Variants in GRM3 observed in about 807,000 individuals in gnomAD.
GRM3 encodes the protein metabotropic glutamate receptor 3.
A neutral mutation model predicts 70.5 loss-of-function variants in GRM3; 26 were observed. The ratio of observed to expected loss-of-function variants is 0.37; its 90% CI spans 0.27 to 0.51. GRM3 has a LOEUF of 0.51. Ranked by LOEUF, GRM3 falls within the 20% of genes least tolerant of loss-of-function variation. The pLI, the probability that GRM3 is intolerant of heterozygous loss-of-function variation, is 0.93. For missense variants in GRM3, 859 were observed against 1,123.8 expected (o/e 0.76, Z 3.37); for synonymous variants, 443 against 434.9 (o/e 1.02, Z -0.23).
At chr7:86,825,164 T>C (rs1467767274) in intron 3 of GRM3, among the ~76,000 whole-genome samples, 2 of 152,248 alleles carry the variant, frequency 1.3e-5, no homozygotes, top group Admixed American at 1.3e-4. Context: ...TTTGTGTCCA[T>C]GTGTACTCAA....
At chr7:86,825,641 A>G (rs964361789) in intron 3 of GRM3, among the ~76,000 whole-genome samples, 2 of 152,230 alleles carry the variant, frequency 1.3e-5, no homozygotes, top group African/African-American at 4.8e-5. Context: ...TGGAAATTTC[A>G]GTTACTGCAT....
intron 1 of GRM3, among the ~76,000 whole-genome samples, chr7:86,698,539 A>ATATATATATATATATATATATATAT (rs1562829891): frequency 6.4e-4 from 89 of 139,562 alleles, no homozygotes; most frequent in African/African-American, 2.6e-3. Context: ...TATATATATA[A>ATATATATATATATATATATATATAT]AATACACATT....
At chr7:86,731,077 A>G (rs1795724052) in intron 1 of GRM3, among the ~76,000 whole-genome samples, 1 of 151,928 alleles carries the variant, frequency 6.6e-6, no homozygotes, top group South Asian at 2.1e-4. Flanking sequence ...AATGAGCTCA[A>G]TTAGTGCTAT....
intron 4 of GRM3, among the ~76,000 whole-genome samples, chr7:86,842,220 A>G (rs1798570954): frequency 6.6e-6 from 1 of 152,186 alleles, no homozygotes; most frequent in Admixed American, 6.5e-5. Flanking sequence ...CCTCAGCTCT[A>G]ATAAATCACA....
At chr7:86,724,507 C>T (rs1795547044) in intron 1 of GRM3, among the ~76,000 whole-genome samples, 1 of 152,072 alleles carries the variant, frequency 6.6e-6, no homozygotes, top group South Asian at 2.1e-4. Context: ...TTTATTTTTA[C>T]AGTAATACGC....
At chr7:86,823,608 C>CG (rs377257594) in intron 3 of GRM3, among the ~76,000 whole-genome samples, 623 of 44,616 alleles carry the variant, frequency 0.014, 11 homozygotes, top group African/African-American at 0.044. Flanking sequence ...TTTTTTTTGG[C>CG]GGGGGGGGAT....
intron 3 of GRM3, among the ~76,000 whole-genome samples, chr7:86,832,705 C>T (rs955650225): frequency 2.6e-5 from 4 of 152,180 alleles, no homozygotes; most frequent in Admixed American, 6.5e-5. Flanking sequence ...AATTTAATCT[C>T]TCCTGCCATT....
At chr7:86,679,376 A>C (rs1204148978) in intron 1 of GRM3, among the ~76,000 whole-genome samples, 1 of 152,062 alleles carries the variant, frequency 6.6e-6, no homozygotes, top group African/African-American at 2.4e-5. Flanking sequence ...CAGGAAGAAG[A>C]AACCACCTTG....
At chr7:86,730,433 C>T (rs1795704818) in intron 1 of GRM3, among the ~76,000 whole-genome samples, 1 of 152,144 alleles carries the variant, frequency 6.6e-6, no homozygotes, top group African/African-American at 2.4e-5. Flanking sequence ...AAACAAAAGG[C>T]ATAACATAAC....
chr7:86,760,395 A>G (rs1235601658), intron 1 of GRM3, among the ~76,000 whole-genome samples: 1 of 152,164 alleles, frequency 6.6e-6, no homozygotes, highest in South Asian at 2.1e-4. Context: ...AGAGGGCTAC[A>G]CATGCTTGTT....
In GRM3 at chr7:86,786,461, G is replaced by C. The variant is rs1449556938; in HGVS notation, c.669G>C (p.Gly223=). Residue 223 remains glycine (G), a synonymous_variant, in exon 3 of 6, where the codon GGG becomes GGC. Coordinates refer to ENST00000361669, the MANE Select transcript of GRM3 (RefSeq NM_000840.3). This position sits in a 1 kb window ranked among gnomAD's most constrained non-coding sequence, Gnocchi z 6.0. Reference sequence around the variant, plus strand: ...CAGTAGCCTCCGAGGGTGATTACGGGGAGACAGGGATCGAGGCCTTCGAGC... The same window carrying C: ...CAGTAGCCTCCGAGGGTGATTACGGCGAGACAGGGATCGAGGCCTTCGAGC... ...VSTVASEGDY[G]ETGIEAFEQE... The C allele has an allele frequency of 6.2e-7, 1 of 1,614,104 alleles. No homozygotes were observed. The highest frequency in any genetic ancestry group is 8.5e-7 in the Non-Finnish European group (1 of 1,180,048).
intron 1 of GRM3, among the ~76,000 whole-genome samples, chr7:86,716,531 T>TTATCCACAAGG (rs1468351881): frequency 1.3e-5 from 2 of 151,792 alleles, no homozygotes; most frequent in East Asian, 1.9e-4. Context: ...CCTAATATCC[T>TTATCCACAAGG]TATCCACAAG....
chr7:86,735,963 G>C (rs1398680463), intron 1 of GRM3, among the ~76,000 whole-genome samples: 2 of 152,162 alleles, frequency 1.3e-5, no homozygotes, highest in African/African-American at 4.8e-5. Flanking sequence ...GAGTTCAAGT[G>C]AAATATAGAC....
chr7:86,796,382 G>A (rs1034581021), intron 3 of GRM3, among the ~76,000 whole-genome samples: 2 of 152,070 alleles, frequency 1.3e-5, no homozygotes, highest in Non-Finnish European at 2.9e-5. Flanking sequence ...TTGATGTGTG[G>A]TCTTATTTCT....
intron 1 of GRM3, among the ~76,000 whole-genome samples, chr7:86,677,179 T>C (rs1794327181): frequency 6.6e-6 from 1 of 152,020 alleles, no homozygotes; most frequent in Non-Finnish European, 1.5e-5. Context: ...TTATATGACT[T>C]GACTTCCACT....
At chr7:86,790,052 G>A (rs935292748) in intron 3 of GRM3, among the ~76,000 whole-genome samples, 6 of 152,134 alleles carry the variant, frequency 3.9e-5, no homozygotes, top group African/African-American at 1.4e-4. Context: ...AGCACTACTT[G>A]CAGTTCCCCA....
chr7:86,691,880 C>A (rs2116033595), intron 1 of GRM3, among the ~76,000 whole-genome samples: 1 of 152,260 alleles, frequency 6.6e-6, no homozygotes, highest in African/African-American at 2.4e-5. Flanking sequence ...ATTAGCCAGT[C>A]TACAGTATTC....
chr7:86,721,805 T>C (rs954500526), intron 1 of GRM3, among the ~76,000 whole-genome samples: 1 of 152,034 alleles, frequency 6.6e-6, no homozygotes, highest in African/African-American at 2.4e-5. Context: ...TGAGACAGCA[T>C]TGGGAGGCAC....
intron 3 of GRM3, among the ~76,000 whole-genome samples, chr7:86,789,236 A>G (rs1055351916): frequency 6.6e-6 from 1 of 152,198 alleles, no homozygotes; most frequent in African/African-American, 2.4e-5. Flanking sequence ...TACATAAAAG[A>G]GAGGGAATTT....
Sources: gnomAD v4.1 joint callset for allele counts (sites outside exome capture counted in the v4.1 genomes callset) on GRCh38, gnomAD v4.1.1 for gene constraint, Gnocchi (gnomAD v3.1) non-coding constraint, MANE v1.5 for transcripts, NCBI Gene and HGNC (gene_info 2026-07-23, HGNC 2026-07-21) for gene names.